RBFOX1: variants seen among roughly 807,000 people sequenced by gnomAD.
RBFOX1 encodes the protein RNA binding protein fox-1 homolog 1.
A neutral mutation model predicts 57.7 loss-of-function variants in RBFOX1; 8 were observed. The observed-to-expected ratio is 0.14, with a 90% CI of 0.08 to 0.25. The LOEUF is 0.25. Ranked by LOEUF, RBFOX1 falls within the 10% of genes least tolerant of loss-of-function variation. RBFOX1 has a pLI of 1.00. For synonymous variants in RBFOX1, 326 were observed against 222.4 expected, an observed-to-expected ratio of 1.47 and a Z score of -4.15; for missense variants, 611 against 548.5, an observed-to-expected ratio of 1.11 and a Z score of -1.14.
At chr16:6,340,690 C>G (rs963770518) in intron 2 of RBFOX1, among the ~76,000 whole-genome samples, 8 of 152,156 alleles carry the variant, frequency 5.3e-5, no homozygotes, top group Non-Finnish European at 1.0e-4. Context: ...GGCTTCTTTA[C>G]TGCAACCTGT....
chr16:5,805,242 A>C (rs1433184525), intron 3 of RBFOX1, among the ~76,000 whole-genome samples: 1 of 152,164 alleles, frequency 6.6e-6, no homozygotes, highest in Non-Finnish European at 1.5e-5. Context: ...TTAAAATATG[A>C]GGTTAGAGAG....
intron 4 of RBFOX1, among the ~76,000 whole-genome samples, chr16:7,224,562 T>G (rs555097104): frequency 6.6e-6 from 1 of 152,100 alleles, no homozygotes; most frequent in Non-Finnish European, 1.5e-5. Context: ...GGTTTGAGCA[T>G]CAGGATTTCT....
chr16:6,961,633 A>G (rs2083036459), intron 3 of RBFOX1, among the ~76,000 whole-genome samples: 3 of 152,132 alleles, frequency 2.0e-5, no homozygotes, highest in Non-Finnish European at 4.4e-5. Context: ...TTTCTTGATT[A>G]TATGCTAAAC....
At chr16:7,129,106 A>G (rs1760852555) in intron 4 of RBFOX1, among the ~76,000 whole-genome samples, 1 of 152,152 alleles carries the variant, frequency 6.6e-6, no homozygotes, top group African/African-American at 2.4e-5. Flanking sequence ...GGTGTGAGCC[A>G]CGGCACGCAG....
intron 1 of RBFOX1, chr16:5,270,261 C>G (rs9673203): frequency 0.16 from 90,687 of 580,034 alleles, 7,986 homozygotes; most frequent in East Asian, 0.29. Flanking sequence ...TAAGAAAGAT[C>G]AGTATGATGT....
intron 15 of RBFOX1, chr16:7,709,884 C>A (rs1168086689): frequency 4.6e-6 from 5 of 1,097,008 alleles, no homozygotes; most frequent in Non-Finnish European, 5.5e-6. Flanking sequence ...GCAATCATTA[C>A]AAAGCTTTGG....
At chr16:6,483,592 A>AAGAGGGAG (rs1203517510) in intron 2 of RBFOX1, 74 of 1,392,898 alleles carry the variant, frequency 5.3e-5, no homozygotes, top group African/African-American at 1.5e-4. Flanking sequence ...GAAGGAGAGA[A>AAGAGGGAG]AGAGGGAGAG....
chr16:7,704,476 T>C (rs192871605), intron 14 of RBFOX1, among the ~76,000 whole-genome samples: 1 of 152,274 alleles, frequency 6.6e-6, no homozygotes, highest in East Asian at 1.9e-4. Flanking sequence ...CCCAGAGTCT[T>C]CAAAAAGCGT....
intron 4 of RBFOX1, among the ~76,000 whole-genome samples, chr16:7,476,304 C>T (rs1380328774): frequency 1.3e-5 from 2 of 152,222 alleles, no homozygotes; most frequent in South Asian, 2.1e-4. Flanking sequence ...TTCTTACCCT[C>T]ACAATTACAA....
At chr16:7,574,877 A>C (rs532613129) in intron 5 of RBFOX1, among the ~76,000 whole-genome samples, 62 of 152,280 alleles carry the variant, frequency 4.1e-4, no homozygotes, top group African/African-American at 1.5e-3. Context: ...GAGGCCACTC[A>C]TCTTGAGAAC....
intron 3 of RBFOX1, among the ~76,000 whole-genome samples, chr16:6,849,964 G>C (rs570369078): frequency 6.6e-6 from 1 of 152,282 alleles, no homozygotes; most frequent in African/African-American, 2.4e-5. Flanking sequence ...CTTTGTCTTT[G>C]AATCTTGCAA....
rs1166627118 is a variant in RBFOX1, at chr16:7,664,923, T to C, written c.891-6T>C. 1 of 1,613,972 alleles carries C rather than the reference T, an allele frequency of 6.2e-7. No homozygotes were observed. Among genetic ancestry groups the C allele is most frequent in the Non-Finnish European group, 8.5e-7 (1 of 1,179,840 alleles). The stretch of plus-strand genomic sequence containing the variant: ...GATGTTTCTCTTTGTGTGTGCACCC[T>C]TGCAGTGTTGTTTACCAGGATGGAT... On this transcript the variant is annotated splice_polypyrimidine_tract_variant and splice_region_variant and intron_variant, in intron 12 of 15. Coordinates refer to ENST00000550418, the MANE Select transcript of RBFOX1 (RefSeq NM_018723.4).
intron 3 of RBFOX1, among the ~76,000 whole-genome samples, chr16:5,775,023 C>T (rs146189991): frequency 1.3e-5 from 2 of 152,264 alleles, no homozygotes; most frequent in Admixed American, 6.5e-5. Flanking sequence ...CAATCCCCTT[C>T]GCTTTTCCCT....
chr16:7,454,520 A>G (rs954554571), intron 4 of RBFOX1, among the ~76,000 whole-genome samples: 1 of 152,184 alleles, frequency 6.6e-6, no homozygotes, highest in African/African-American at 2.4e-5. Context: ...TAAGGTCCAG[A>G]ATTCCCATGC....
intron 2 of RBFOX1, among the ~76,000 whole-genome samples, chr16:6,344,463 T>G (rs1226540321): frequency 7.3e-6 from 1 of 136,970 alleles, no homozygotes; most frequent in Non-Finnish European, 1.5e-5. Flanking sequence ...AGTGGCACAA[T>G]CTCAGCGCAC....
At chr16:6,691,189 G>T (rs182837644) in intron 3 of RBFOX1, among the ~76,000 whole-genome samples, 17 of 152,216 alleles carry the variant, frequency 1.1e-4, no homozygotes, top group Non-Finnish European at 2.1e-4. Flanking sequence ...TATTAGCTGT[G>T]GGGGAGCTAG....
At chr16:6,428,160 C>A (rs1280949695) in intron 2 of RBFOX1, among the ~76,000 whole-genome samples, 7 of 151,740 alleles carry the variant, frequency 4.6e-5, no homozygotes, top group Non-Finnish European at 8.8e-5. Flanking sequence ...CTGGTGTATG[C>A]CTGTAGTTCC....
intron 3 of RBFOX1, among the ~76,000 whole-genome samples, chr16:6,977,702 T>C (rs551801881): frequency 6.6e-6 from 1 of 152,228 alleles, no homozygotes; most frequent in Admixed American, 6.5e-5. Context: ...TGAATATTGA[T>C]TGAAATGAAT....
intron 13 of RBFOX1, among the ~76,000 whole-genome samples, chr16:7,674,084 A>T (rs1044979857): frequency 3.3e-5 from 5 of 152,202 alleles, no homozygotes; most frequent in African/African-American, 1.2e-4. Flanking sequence ...ATGTAAAGCA[A>T]TTTATATTTT....
Sources: gnomAD v4.1 joint callset for allele counts (sites outside exome capture counted in the v4.1 genomes callset) on GRCh38, gnomAD v4.1.1 for gene constraint, MANE v1.5 for transcripts, NCBI Gene and HGNC (gene_info 2026-07-23, HGNC 2026-07-21) for gene names.